Variants in CIMAP2 observed in about 807,000 individuals in gnomAD.
CIMAP2 encodes the protein ciliary microtubule-associated protein 2.
chr1:54,820,102 T>C, the CIMAP2 span, among the ~76,000 whole-genome samples: 6 of 18,040 alleles, frequency 3.3e-4, no homozygotes, highest in Non-Finnish European at 1.0e-3. Flanking sequence ...CTTTCTTTCT[T>C]TCTCTCTCTC....
At chr1:54,831,375 G>A in the CIMAP2 span, among the ~76,000 whole-genome samples, 1 of 152,122 alleles carries the variant, frequency 6.6e-6, no homozygotes, top group African/African-American at 2.4e-5. Context: ...GGGAAGACAT[G>A]GACACAATGG....
At chr1:54,820,064 C>G in the CIMAP2 span, among the ~76,000 whole-genome samples, 1 of 140,998 alleles carries the variant, frequency 7.1e-6, no homozygotes, top group Non-Finnish European at 1.5e-5. Flanking sequence ...TCCCTCCCTC[C>G]CTATCTCCCT....
At chr1:54,812,253 C>A in the CIMAP2 span, 1 of 1,598,200 alleles carries the variant, frequency 6.3e-7, no homozygotes, top group South Asian at 1.1e-5. Context: ...CCTCACTAGT[C>A]AGCACCAGGA....
chr1:54,838,029 ATAT>A, the CIMAP2 span, among the ~76,000 whole-genome samples: 1 of 151,972 alleles, frequency 6.6e-6, no homozygotes, highest in Non-Finnish European at 1.5e-5. Flanking sequence ...GAGGAGGCAA[ATAT>A]TATATTGAAT....
At chr1:54,831,942 C>CAAGG in the CIMAP2 span, among the ~76,000 whole-genome samples, 2 of 152,294 alleles carry the variant, frequency 1.3e-5, no homozygotes, top group South Asian at 4.1e-4. Context: ...GACCTCCCGG[C>CAAGG]CTCGAGCAAT....
chr1:54,841,663 T>C, the CIMAP2 span: 2 of 1,611,598 alleles, frequency 1.2e-6, no homozygotes, highest in Non-Finnish European at 1.7e-6. Flanking sequence ...AATTTTGGCC[T>C]CTCACCAATG....
the CIMAP2 span, chr1:54,811,766 C>CGGCGGGGGGGG: frequency 7.7e-7 from 1 of 1,305,188 alleles, no homozygotes; most frequent in Non-Finnish European, 1.1e-6. Flanking sequence ...GTTCTGACAG[C>CGGCGGGGGGGG]CTCCATGCCC....
At chr1:54,825,980 G>T in the CIMAP2 span, among the ~76,000 whole-genome samples, 2 of 152,192 alleles carry the variant, frequency 1.3e-5, no homozygotes, top group African/African-American at 2.4e-5. Flanking sequence ...ACTAGTCTAC[G>T]CCAAGGTCCC....
the CIMAP2 span, among the ~76,000 whole-genome samples, chr1:54,837,751 A>G: frequency 6.6e-6 from 1 of 152,110 alleles, no homozygotes; most frequent in African/African-American, 2.4e-5. Context: ...TTCAGGATAC[A>G]TTTACTGAGT....
the CIMAP2 span, chr1:54,806,115 C>T: frequency 9.8e-6 from 15 of 1,532,298 alleles, no homozygotes; most frequent in Middle Eastern, 3.5e-4. Context: ...CGCAGGCCTG[C>T]CATGAGGGAA....
the CIMAP2 span, among the ~76,000 whole-genome samples, chr1:54,823,201 CTCTT>C: frequency 6.6e-6 from 1 of 152,102 alleles, no homozygotes; most frequent in Non-Finnish European, 1.5e-5. Flanking sequence ...TGAAGTCTAT[CTCTT>C]TCTTTAGCTC....
At chr1:54,837,854 C>T in the CIMAP2 span, among the ~76,000 whole-genome samples, 6 of 152,180 alleles carry the variant, frequency 3.9e-5, no homozygotes, top group Admixed American at 3.9e-4. Flanking sequence ...GCCAGGAGAA[C>T]AGATTTTCTG....
chr1:54,812,734 T>C, the CIMAP2 span, among the ~76,000 whole-genome samples: 1 of 152,238 alleles, frequency 6.6e-6, no homozygotes, highest in Non-Finnish European at 1.5e-5. Context: ...TTTGTCTAAT[T>C]GCCTGTTTAT....
the CIMAP2 span, chr1:54,814,807 G>C: frequency 6.6e-7 from 1 of 1,509,508 alleles, no homozygotes; most frequent in Middle Eastern, 2.4e-4. Flanking sequence ...CAAGACCCAG[G>C]GCTGCTGGAT....
At chr1:54,807,911 C>T in the CIMAP2 span, 1 of 1,604,152 alleles carries the variant, frequency 6.2e-7, no homozygotes, top group Non-Finnish European at 8.5e-7. Flanking sequence ...GGCCCCGGCT[C>T]CTACAACCTC....
chr1:54,827,413 G>A, the CIMAP2 span, among the ~76,000 whole-genome samples: 55 of 152,258 alleles, frequency 3.6e-4, no homozygotes, highest in Admixed American at 1.9e-3. Context: ...CCCCATCCCC[G>A]CAGGACTCTC....
the CIMAP2 span, among the ~76,000 whole-genome samples, chr1:54,812,824 G>A: frequency 2.0e-5 from 3 of 152,184 alleles, no homozygotes; most frequent in Non-Finnish European, 2.9e-5. Context: ...CAGCCCTTGC[G>A]GAACTTACAT....
At chr1:54,809,408 C>T in the CIMAP2 span, among the ~76,000 whole-genome samples, 29 of 152,164 alleles carry the variant, frequency 1.9e-4, no homozygotes, top group South Asian at 6.2e-4. Context: ...AGAGGGGATA[C>T]CTGGAGCATT....
At chr1:54,814,600 C>T in the CIMAP2 span, among the ~76,000 whole-genome samples, 6 of 152,248 alleles carry the variant, frequency 3.9e-5, no homozygotes, top group Non-Finnish European at 8.8e-5. Flanking sequence ...GAACCCAGCT[C>T]ATCTGGCTCC....
Sources: gnomAD v4.1 joint callset for allele counts (sites outside exome capture counted in the v4.1 genomes callset) on GRCh38, gnomAD v4.1.1 for gene constraint, MANE v1.5 for transcripts, NCBI Gene and HGNC (gene_info 2026-07-23, HGNC 2026-07-21) for gene names.